Variants in KSR1 observed in about 807,000 individuals in gnomAD.
KSR1 encodes kinase suppressor of ras 1, also known as kinase suppressor of ras.
In KSR1, 35 loss-of-function variants were observed where a neutral mutation model predicts 92.9. The ratio of observed to expected loss-of-function variants is 0.38; its 90% confidence interval spans 0.29 to 0.50. KSR1 has a LOEUF of 0.50. KSR1 is among the 20% of genes least tolerant of loss of function. The pLI, the probability that KSR1 is intolerant of heterozygous loss-of-function variation, is 0.94. For synonymous variants in KSR1, 467 were observed against 472.6 expected (o/e 0.99, Z 0.15); for missense variants, 972 against 1,158.5 (o/e 0.84, Z 2.34).
intron 2 of KSR1, among the ~76,000 whole-genome samples, chr17:27,572,212 T>C (rs1367580592): frequency 6.6e-6 from 1 of 152,160 alleles, no homozygotes; most frequent in Non-Finnish European, 1.5e-5. Context: ...AGAACATATC[T>C]CCTGGTTTGA....
At chr17:27,476,224 A>G (rs548178272) in intron 1 of KSR1, among the ~76,000 whole-genome samples, 17 of 152,174 alleles carry the variant, frequency 1.1e-4, no homozygotes, top group Non-Finnish European at 2.1e-4. Context: ...ATTGAAGGCT[A>G]ATGAAGTGGT....
At chr17:27,465,246 C>T (rs1285862752) in intron 1 of KSR1, 2 of 152,172 alleles carry the variant, frequency 1.3e-5, no homozygotes, top group Non-Finnish European at 2.9e-5. Flanking sequence ...TTTCTGTTGT[C>T]TTGGCCTTGG....
At chr17:27,460,845 C>G (rs2150898664) in intron 1 of KSR1, among the ~76,000 whole-genome samples, 1 of 152,274 alleles carries the variant, frequency 6.6e-6, no homozygotes, top group South Asian at 2.1e-4. Context: ...CTGGACAGAC[C>G]TTTAGTTACT....
At chr17:27,555,328 T>G (rs2071550419) in intron 2 of KSR1, among the ~76,000 whole-genome samples, 2 of 152,244 alleles carry the variant, frequency 1.3e-5, no homozygotes, top group South Asian at 4.1e-4. Flanking sequence ...CTCCTCCGTT[T>G]ATTTATTCAT....
At chr17:27,471,539 AG>A (rs1268766532) in intron 1 of KSR1, among the ~76,000 whole-genome samples, 2 of 152,120 alleles carry the variant, frequency 1.3e-5, no homozygotes, top group African/African-American at 4.8e-5. Flanking sequence ...AAGGGCCAGG[AG>A]GAGGCTGGTG....
At chr17:27,604,500 A>G (rs998170791) in intron 12 of KSR1, among the ~76,000 whole-genome samples, 180 bp from the exon 13 acceptor site, 1 of 152,166 alleles carries the variant, frequency 6.6e-6, no homozygotes, top group Admixed American at 6.5e-5. Context: ...GAGGCTGCAC[A>G]AGGGGCAGGT....
intron 1 of KSR1, among the ~76,000 whole-genome samples, chr17:27,467,699 G>A (rs1327070739): frequency 6.6e-6 from 1 of 152,102 alleles, no homozygotes; most frequent in East Asian, 1.9e-4. Flanking sequence ...TTCAGTGTCT[G>A]TTAATCTCTA....
At chr17:27,576,060 C>T (rs1167131729) in intron 2 of KSR1, among the ~76,000 whole-genome samples, 1 of 152,160 alleles carries the variant, frequency 6.6e-6, no homozygotes, top group African/African-American at 2.4e-5. Context: ...TGGCTGTCAG[C>T]CAGGGGCTAC....
chr17:27,526,518 A>G (rs2070304724), intron 1 of KSR1: 3 of 1,604,178 alleles, frequency 1.9e-6, no homozygotes, highest in Admixed American at 3.3e-5. Context: ...CTCCTCTGCC[A>G]TCTCACACTC....
chr17:27,459,654 G>T lies in KSR1; in HGVS notation c.231+2780G>T, dbSNP rs1331864370. On this transcript the variant is annotated intron_variant, in intron 1 of 20. Transcript: ENST00000644974. The surrounding 1 kb of genome is among the most constrained non-coding windows in gnomAD (Gnocchi z 4.6). ...TTTTGAAGAAGGATCTGACCTGGAG[G>T]GCTTGGCCTGTGCAACTGCATCGGA... Among the ~76,000 whole-genome samples the T allele has an allele frequency of 6.6e-6, 1 of 152,208 alleles. No individual in the cohort carries two copies. The highest frequency in any genetic ancestry group is 1.5e-5 in the Non-Finnish European group (1 of 68,044).
At chr17:27,476,517 A>G (rs1419097243) in intron 1 of KSR1, among the ~76,000 whole-genome samples, 1 of 152,104 alleles carries the variant, frequency 6.6e-6, no homozygotes, top group Non-Finnish European at 1.5e-5. Flanking sequence ...TGCCGTTGGT[A>G]TGAGAGGTTG....
intron 1 of KSR1, among the ~76,000 whole-genome samples, chr17:27,457,897 T>C (rs2019255694): frequency 6.9e-6 from 1 of 144,032 alleles, no homozygotes. Context: ...CAATTTCTCC[T>C]CCCCCAAACC....
At chr17:27,484,815 AGGGGATTAACCGG>A (rs923898339) in intron 1 of KSR1, among the ~76,000 whole-genome samples, 1 of 152,232 alleles carries the variant, frequency 6.6e-6, no homozygotes, top group Non-Finnish European at 1.5e-5. Context: ...TGCTCCAGGC[AGGGGATTAACCGG>A]GGAGCTGCGC....
chr17:27,484,270 C>T (rs985666357), intron 1 of KSR1, among the ~76,000 whole-genome samples: 10 of 152,200 alleles, frequency 6.6e-5, no homozygotes, highest in African/African-American at 2.2e-4. Context: ...CTCGCTCTGT[C>T]GCCCAGGCTG....
intron 1 of KSR1, among the ~76,000 whole-genome samples, chr17:27,470,870 C>CT (rs35823501): frequency 0.047 from 7,071 of 148,890 alleles, 560 homozygotes; most frequent in African/African-American, 0.16. Context: ...CATTCAGTGA[C>CT]TTTTTTTTTT....
intron 1 of KSR1, among the ~76,000 whole-genome samples, chr17:27,491,292 T>A (rs1282732450): frequency 7.8e-6 from 1 of 128,198 alleles, no homozygotes; most frequent in Non-Finnish European, 1.6e-5. Context: ...TCCTGGCTAA[T>A]TTTTTGTTAG....
At chr17:27,520,716 G>T (rs758549892) in intron 1 of KSR1, among the ~76,000 whole-genome samples, 15 of 152,328 alleles carry the variant, frequency 9.8e-5, no homozygotes, top group Admixed American at 3.9e-4. Context: ...GCCCGCCCAG[G>T]TTTCCCAGGC....
chr17:27,498,040 C>A (rs189284588), intron 1 of KSR1, among the ~76,000 whole-genome samples: 1 of 152,216 alleles, frequency 6.6e-6, no homozygotes, highest in Admixed American at 6.5e-5. Context: ...CTTAAAAATG[C>A]CTCTTGAGGC....
chr17:27,602,075 G>A lies in KSR1; in HGVS notation c.1510+674G>A, dbSNP rs567584866. On this transcript the variant is annotated intron_variant, in intron 11 of 20. Coordinates refer to ENST00000644974, the MANE Select transcript of KSR1 (RefSeq NM_001394583.1). ...ATCAGTGCTTTTTACTGTAACTGAA[G>A]GTGATGAGCATAATGGTGTTTAAAA... is the stretch of plus-strand genomic sequence containing the variant. 5.3e-5 allele frequency: 36 copies of A among 683,168 alleles called. No individual in the cohort carries two copies. In the South Asian group the frequency reaches 6.2e-4, roughly 12 times the overall value. The allele number at this position is 683,168 out of a possible 1,614,324, so 42.3% of individuals were successfully genotyped here. A position where few individuals can be genotyped will look rare whatever the true frequency, so the allele number is the denominator to read the frequency against.
Sources: gnomAD v4.1 joint callset for allele counts (sites outside exome capture counted in the v4.1 genomes callset) on GRCh38, gnomAD v4.1.1 for gene constraint, Gnocchi (gnomAD v3.1) non-coding constraint, MANE v1.5 for transcripts, NCBI Gene and HGNC (gene_info 2026-07-23, HGNC 2026-07-21) for gene names.